Variants in XPA observed in about 807,000 individuals in gnomAD.
The protein encoded by XPA is DNA repair protein complementing XP-A cells.
XPA carries 27 observed loss-of-function variants against 35.7 expected under a neutral mutation model. The observed-to-expected ratio is 0.76, with a 90% CI of 0.56 to 1.04. The LOEUF is 1.04. XPA is among the 50% of genes least tolerant of loss of function. The pLI, the probability that XPA is intolerant of heterozygous loss-of-function variation, is 0.00. For missense variants in XPA, 354 were observed against 342.7 expected (o/e 1.03, Z -0.26); for synonymous variants, 133 against 118.4 (o/e 1.12, Z -0.80).
chr9:97,669,964 C>G (rs1828134207), downstream of XPA: 6 of 498,504 alleles, frequency 1.2e-5, no homozygotes, highest in South Asian at 1.2e-4. Context: ...ACTCTGTTGC[C>G]CAGGCTGGAG....
the XPA span, chr9:97,658,738 G>C: frequency 2.5e-6 from 4 of 1,591,952 alleles, no homozygotes; most frequent in Non-Finnish European, 2.6e-6. Context: ...GGAGATGAAA[G>C]TAGCAGTAAG....
chr9:97,655,899 T>C, the XPA span: 1 of 1,347,934 alleles, frequency 7.4e-7, no homozygotes, highest in South Asian at 1.3e-5. Flanking sequence ...ACAAGTGCAA[T>C]TATAACTTAA....
the XPA span, chr9:97,666,947 C>A: frequency 8.9e-7 from 1 of 1,124,802 alleles, no homozygotes. Context: ...ATTCAGAGTT[C>A]ATTATCTTGA....
In XPA at chr9:97,675,594, A is replaced by G; in HGVS notation, c.674-7T>C. On this transcript the variant is annotated splice_region_variant and splice_polypyrimidine_tract_variant and intron_variant, in intron 5 of 5. Transcript: ENST00000375128. ...CTTACTGCTCGCCGCAATTCTGAAAAAAAAATTTTAAAGTCATCTTTTCAG... is the reference window on the plus strand; with the variant it reads ...CTTACTGCTCGCCGCAATTCTGAAAGAAAAATTTTAAAGTCATCTTTTCAG... 1 of 1,613,966 alleles carries G rather than the reference A, an allele frequency of 6.2e-7. No homozygotes were observed. The highest frequency in any genetic ancestry group is 1.7e-5 in the Admixed American group (1 of 59,994).
chr9:97,657,627 A>C, the XPA span, among the ~76,000 whole-genome samples: 1 of 152,138 alleles, frequency 6.6e-6, no homozygotes, highest in South Asian at 2.1e-4. Flanking sequence ...TCTGTTCTTC[A>C]TCAGATCTCC....
chr9:97,661,732 GT>G, the XPA span, among the ~76,000 whole-genome samples: 2,791 of 113,022 alleles, frequency 0.025, 49 homozygotes, highest in East Asian at 0.12. Context: ...AAGCTTAAGT[GT>G]TTTTTTTTTT....
chr9:97,675,253 A>C lies in XPA; in HGVS notation c.*186T>G. On this transcript the variant is annotated 3_prime_UTR_variant, in exon 6 of 6. Coordinates refer to ENST00000375128, the MANE Select transcript of XPA (RefSeq NM_000380.4). Reference sequence around the variant, plus strand: ...ATGACATTGTGCACACAACCAGGCCAGGTGACCTTCACTGAAACTTGCTTT... The same window carrying C: ...ATGACATTGTGCACACAACCAGGCCCGGTGACCTTCACTGAAACTTGCTTT... The C allele has an allele frequency of 1.4e-6, 1 of 719,976 alleles. No homozygotes were observed. Among genetic ancestry groups the C allele is most frequent in the Non-Finnish European group, 2.4e-6 (1 of 415,706 alleles). 44.6% of individuals were successfully genotyped at this position (719,976 alleles called of 1,614,324 possible).
intron 2 of XPA, among the ~76,000 whole-genome samples, chr9:97,689,843 C>G (rs1051652843): frequency 2.0e-5 from 3 of 151,976 alleles, no homozygotes; most frequent in Admixed American, 6.5e-5. Flanking sequence ...AAAAACGTAG[C>G]AATTCCACAA....
chr9:97,681,620 C>T (rs1292073492), intron 5 of XPA, among the ~76,000 whole-genome samples: 1 of 152,138 alleles, frequency 6.6e-6, no homozygotes, highest in Non-Finnish European at 1.5e-5. Flanking sequence ...AAAGAAATGC[C>T]TTATCTCTAC....
chr9:97,688,480 G>A (rs144363978), intron 3 of XPA, among the ~76,000 whole-genome samples: 37 of 152,314 alleles, frequency 2.4e-4, no homozygotes, highest in African/African-American at 8.9e-4. Context: ...TATCTGCAAA[G>A]TCCTTTTGCT....
At chr9:97,665,988 G>A in the XPA span, among the ~76,000 whole-genome samples, 1 of 152,148 alleles carries the variant, frequency 6.6e-6, no homozygotes, top group Non-Finnish European at 1.5e-5. Context: ...ACATTGAGTA[G>A]GCTGAGGAAG....
Position 97,693,631 on chromosome 9 carries a change from T to C in XPA, c.283+18A>G. 1 of 1,609,754 alleles carries C rather than the reference T, an allele frequency of 6.2e-7. No homozygotes were observed. On this transcript the variant is annotated intron_variant, in intron 2 of 5. Coordinates refer to ENST00000375128, the MANE Select transcript of XPA (RefSeq NM_000380.4). ...AAATAACCAATCTAGATACTTATTTTTGAAAAACTCACTTTACCTGGTTGA... is the reference window on the plus strand; with the variant it reads ...AAATAACCAATCTAGATACTTATTTCTGAAAAACTCACTTTACCTGGTTGA...
chr9:97,681,673 A>G (rs1183558322), intron 5 of XPA, among the ~76,000 whole-genome samples: 3 of 152,214 alleles, frequency 2.0e-5, no homozygotes, highest in Admixed American at 6.5e-5. Flanking sequence ...CGTTCTGTAC[A>G]TTTGAACCAG....
intron 3 of XPA, among the ~76,000 whole-genome samples, chr9:97,688,820 C>T (rs1026627295): frequency 1.3e-5 from 2 of 151,950 alleles, no homozygotes; most frequent in African/African-American, 4.8e-5. Context: ...TCTGAAAGGG[C>T]AGGTCCTTCA....
At chr9:97,672,494 G>A (rs1234396723), downstream of XPA, 1 of 152,192 alleles carries the variant, frequency 6.6e-6, no homozygotes, top group Non-Finnish European at 1.5e-5. Flanking sequence ...GAAAAATCCA[G>A]GTTGCGTGGC....
At chr9:97,670,596 G>C (rs1828159245), downstream of XPA, among the ~76,000 whole-genome samples, 1 of 152,210 alleles carries the variant, frequency 6.6e-6, no homozygotes, top group Non-Finnish European at 1.5e-5. Context: ...GTTACTGCCA[G>C]TTTTAAAAGC....
downstream of XPA, chr9:97,672,867 G>A (rs1587733347): frequency 1.3e-5 from 2 of 153,308 alleles, no homozygotes; most frequent in East Asian, 3.8e-4. Flanking sequence ...AGTGGCTCAC[G>A]CCTGTAATCC....
intron 1 of XPA, among the ~76,000 whole-genome samples, chr9:97,695,784 A>T (rs886401572): frequency 6.6e-6 from 1 of 152,252 alleles, no homozygotes; most frequent in Non-Finnish European, 1.5e-5. Flanking sequence ...AAATCTCAGC[A>T]CTTACCTAAC....
In XPA at chr9:97,675,424, C is replaced by T. The variant is rs758612494; in HGVS notation, c.*15G>A. 4.3e-6 allele frequency: 7 copies of T among 1,611,666 alleles called. No homozygotes were observed. Among genetic ancestry groups the T allele is most frequent in the Non-Finnish European group, 5.9e-6 (7 of 1,179,186 alleles). On this transcript the variant is annotated 3_prime_UTR_variant, in exon 6 of 6. Coordinates refer to ENST00000375128, the MANE Select transcript of XPA (RefSeq NM_000380.4). ...AAATATAAAATTCTATAAAACAGGT[C>T]ACTGAACTAAAAAATCACATTTTTT...
Sources: gnomAD v4.1 joint callset for allele counts (sites outside exome capture counted in the v4.1 genomes callset) on GRCh38, gnomAD v4.1.1 for gene constraint, MANE v1.5 for transcripts, NCBI Gene and HGNC (gene_info 2026-07-23, HGNC 2026-07-21) for gene names.